The following UST variants were observed in gnomAD, a reference collection of about 807,000 sequenced individuals.
The protein encoded by UST is uronyl 2-sulfotransferase.
UST carries 21 observed loss-of-function variants against 45.6 expected under a neutral mutation model. The ratio of observed to expected loss-of-function variants is 0.46; its 90% confidence interval spans 0.33 to 0.66. The LOEUF is 0.66. Among genes scored for constraint, UST ranks in the 30% least tolerant of loss-of-function variants. The probability of loss-of-function intolerance (pLI) is 0.02; values close to 1 mark genes in which losing one functional copy is unlikely to be tolerated. For synonymous variants in UST, 215 were observed against 200.6 expected, an observed-to-expected ratio of 1.07 and a Z score of -0.61; for missense variants, 463 against 512.4, an observed-to-expected ratio of 0.90 and a Z score of 0.93.
chr6:148,985,758 A>G (rs12207855), intron 5 of UST, among the ~76,000 whole-genome samples: 52,756 of 151,986 alleles, frequency 0.35, 9,824 homozygotes, highest in Non-Finnish European at 0.42. Flanking sequence ...AGGAAGAGGT[A>G]GGTCCTCAGA....
intron 3 of UST, among the ~76,000 whole-genome samples, chr6:148,948,526 T>G (rs62426130): frequency 0.14 from 20,786 of 152,248 alleles, 1,767 homozygotes; most frequent in Middle Eastern, 0.21. Flanking sequence ...ATTTTTTTCT[T>G]TTAGGTATCT....
At chr6:149,027,537 A>AC (rs1467572102) in intron 7 of UST, among the ~76,000 whole-genome samples, 1 of 152,084 alleles carries the variant, frequency 6.6e-6, no homozygotes, top group Non-Finnish European at 1.5e-5. Flanking sequence ...GGGTGCTTTT[A>AC]CCCCCTCAAA....
chr6:149,061,490 T>C (rs144017746), intron 7 of UST, among the ~76,000 whole-genome samples: 2 of 152,346 alleles, frequency 1.3e-5, no homozygotes, highest in African/African-American at 2.4e-5. Context: ...TGCCCAGTCT[T>C]GCATGCAGAC....
intron 1 of UST, among the ~76,000 whole-genome samples, chr6:148,870,648 A>G (rs1167727388): frequency 2.0e-5 from 3 of 152,082 alleles, no homozygotes; most frequent in African/African-American, 7.2e-5. Flanking sequence ...CTCCCTTTAC[A>G]TGGAGATGTG....
Position 148,988,611 on chromosome 6 carries a change from C to CAA in UST, c.681+24049_681+24050dup, listed in dbSNP as rs1220172892. On this transcript the variant is annotated intron_variant, in intron 5 of 7. Coordinates refer to ENST00000367463, the MANE Select transcript of UST (RefSeq NM_005715.3). ...AAAAAAAAGCAAAAAACAACAATAG[C>CAA]AACACCTATAACCACAATTAACTTT... Among the ~76,000 whole-genome samples the CAA allele has an allele frequency of 6.1e-5, 9 of 148,296 alleles. 1 individual carries two copies. The South Asian group carries it at 1.7e-3, about 28-fold the overall frequency.
At chr6:148,907,867 G>C (rs1779394176) in intron 2 of UST, among the ~76,000 whole-genome samples, 1 of 146,314 alleles carries the variant, frequency 6.8e-6, no homozygotes, top group African/African-American at 2.5e-5. Context: ...TTTAACAGCT[G>C]TCCATTTGTA....
At chr6:148,976,149 C>T (rs954978339) in intron 5 of UST, among the ~76,000 whole-genome samples, 7 of 152,106 alleles carry the variant, frequency 4.6e-5, no homozygotes, top group Non-Finnish European at 1.0e-4. Context: ...AATGCTCAGC[C>T]TCATCTATAA....
chr6:148,942,808 T>C (rs1780155010), intron 3 of UST, among the ~76,000 whole-genome samples: 1 of 152,176 alleles, frequency 6.6e-6, no homozygotes, highest in African/African-American at 2.4e-5. Flanking sequence ...AATACAGAGA[T>C]CAAATTGCCC....
intron 4 of UST, 60 bp from the exon 5 acceptor site, chr6:148,964,350 A>G: frequency 6.3e-7 from 1 of 1,594,770 alleles, no homozygotes; most frequent in East Asian, 2.2e-5. Context: ...GATGTTGTCT[A>G]AGTAGGCCCT....
intron 2 of UST, among the ~76,000 whole-genome samples, chr6:148,929,692 C>T (rs1779885706): frequency 6.6e-6 from 1 of 152,144 alleles, no homozygotes; most frequent in South Asian, 2.1e-4. Context: ...TTTTTGGTTA[C>T]CTGCAGATAC....
chr6:148,950,023 C>T (rs146119175), intron 3 of UST, among the ~76,000 whole-genome samples: 179 of 152,330 alleles, frequency 1.2e-3, no homozygotes, highest in African/African-American at 3.9e-3. Flanking sequence ...GAAGGAAGCT[C>T]TCTTGGCCAC....
In UST at chr6:148,953,892, A is replaced by T; in HGVS notation, c.468A>T (p.Ile156=). The change falls in exon 4 of 8, where the codon ATA becomes ATT. Residue 156 remains isoleucine, a synonymous_variant. Transcript: ENST00000367463. The part of the protein sequence containing the change: ...KNEQMELIKN[I]STAEQPYLFT... ...AATAGATGGAACTGATTAAAAATAT[A>T]AGTACTGCCGAACAACCCTATTTAT... 1 of 1,606,170 alleles carries T rather than the reference A, an allele frequency of 6.2e-7. No individual in the cohort carries two copies. Among genetic ancestry groups the T allele is most frequent in the Non-Finnish European group, 8.5e-7 (1 of 1,176,556 alleles).
chr6:148,987,619 G>C (rs1396557354), intron 5 of UST, among the ~76,000 whole-genome samples: 1 of 152,144 alleles, frequency 6.6e-6, no homozygotes, highest in Non-Finnish European at 1.5e-5. Flanking sequence ...AAAATCTTTT[G>C]ACATGGCAAA....
intron 1 of UST, among the ~76,000 whole-genome samples, chr6:148,805,669 AC>A (rs1777133337): frequency 6.6e-6 from 1 of 152,230 alleles, no homozygotes; most frequent in East Asian, 1.9e-4. Context: ...TAATTTTCCA[AC>A]AGCATTCAGA....
chr6:148,993,982 T>TTG (rs1475900017), intron 5 of UST, among the ~76,000 whole-genome samples: 3 of 71,662 alleles, frequency 4.2e-5, no homozygotes, highest in African/African-American at 1.4e-4. Flanking sequence ...TTTTTTTTTT[T>TTG]TTGTTGAGAC....
At chr6:148,900,538 C>T (rs963621049) in intron 2 of UST, among the ~76,000 whole-genome samples, 3 of 152,232 alleles carry the variant, frequency 2.0e-5, no homozygotes, top group African/African-American at 7.2e-5. Context: ...CTTTCACCTT[C>T]TGCCGTGATT....
intron 1 of UST, among the ~76,000 whole-genome samples, chr6:148,788,975 T>C (rs548552521): frequency 6.6e-6 from 1 of 152,322 alleles, no homozygotes; most frequent in South Asian, 2.1e-4. Flanking sequence ...TTGTAAATAA[T>C]ACATCCAGAG....
chr6:149,058,153 C>T lies in UST; in HGVS notation c.938-15680C>T, dbSNP rs115900489. On this transcript the variant is annotated intron_variant, in intron 7 of 7. Coordinates refer to ENST00000367463, the MANE Select transcript of UST (RefSeq NM_005715.3). Reference sequence around the variant, plus strand: ...GATCTAGATAGTAGCTTGATCTGTACGAAACCCCAGAGAAGAAAAAGTAAT... The same window carrying T: ...GATCTAGATAGTAGCTTGATCTGTATGAAACCCCAGAGAAGAAAAAGTAAT... Among the ~76,000 whole-genome samples, 405 of 151,162 alleles carry T rather than the reference C, an allele frequency of 2.7e-3. 2 individuals are homozygous for T. The highest frequency in any genetic ancestry group is 9.5e-3 in the African/African-American group (391 of 41,124).
intron 2 of UST, among the ~76,000 whole-genome samples, chr6:148,936,492 T>C (rs1393013640): frequency 6.6e-6 from 1 of 151,748 alleles, no homozygotes; most frequent in Non-Finnish European, 1.5e-5. Flanking sequence ...TTTCATTCTG[T>C]ATTGTTAAAC....
Sources: allele counts gnomAD v4.1 joint callset (sites outside exome capture counted in the v4.1 genomes callset), GRCh38; gene constraint gnomAD v4.1.1; transcripts MANE v1.5; gene names NCBI Gene and HGNC (gene_info 2026-07-23, HGNC 2026-07-21).